Variants in GRAMD1B observed in about 807,000 individuals in gnomAD.
The protein encoded by GRAMD1B is GRAM domain containing 1B.
In GRAMD1B, 37 loss-of-function variants were observed where a neutral mutation model predicts 99.7. The observed-to-expected ratio is 0.37, with a 90% CI of 0.29 to 0.49. GRAMD1B has a LOEUF of 0.49. Among genes scored for constraint, GRAMD1B ranks in the 20% least tolerant of loss-of-function variants. The pLI, the probability that GRAMD1B is intolerant of heterozygous loss-of-function variation, is 0.98. For missense variants in GRAMD1B, 888 were observed against 1,009.2 expected (o/e 0.88, Z 1.63); for synonymous variants, 427 against 387.6 (o/e 1.10, Z -1.19).
intron 2 of GRAMD1B, among the ~76,000 whole-genome samples, chr11:123,567,680 T>C (rs969284479): frequency 5.3e-5 from 8 of 152,146 alleles, no homozygotes; most frequent in African/African-American, 1.7e-4. Context: ...AATTCCAAAC[T>C]CTGGACTGAA....
In GRAMD1B at chr11:123,423,844, C is replaced by T. The variant is rs543165282; in HGVS notation, c.-175-56972C>T. Among the ~76,000 whole-genome samples, 307 of 152,224 alleles carry T rather than the reference C, an allele frequency of 2.0e-3. 1 individual carries two copies. The highest frequency in any genetic ancestry group is 6.5e-3 in the African/African-American group (268 of 41,536). ...AATCTCTCATCATCTTGAAATAGGG[C>T]TTTTGATATTTATTTCTCAGAGTTG... is the stretch of plus-strand genomic sequence containing the variant. On this transcript the variant is annotated intron_variant, in intron 1 of 20. Coordinates refer to the GRAMD1B transcript ENST00000638157.
intron 2 of GRAMD1B, among the ~76,000 whole-genome samples, chr11:123,486,565 AAAAAC>A (rs1937813078): frequency 1.9e-5 from 2 of 105,014 alleles, no homozygotes. Flanking sequence ...AAAAAAAAAA[AAAAAC>A]AAAAAGAAAA....
intron 1 of GRAMD1B, among the ~76,000 whole-genome samples, chr11:123,435,943 T>A (rs1014781441): frequency 7.0e-6 from 1 of 143,678 alleles, no homozygotes; most frequent in Non-Finnish European, 1.5e-5. Context: ...CATACTTTTT[T>A]TTTTTTTTTT....
At chr11:123,595,547 G>A (rs558452925) in intron 6 of GRAMD1B, among the ~76,000 whole-genome samples, 4 of 152,132 alleles carry the variant, frequency 2.6e-5, no homozygotes, top group East Asian at 3.9e-4. Context: ...GCCCGCCTCC[G>A]CCTCCCAAAG....
chr11:123,475,761 G>A (rs1951237154), intron 1 of GRAMD1B, among the ~76,000 whole-genome samples: 1 of 152,180 alleles, frequency 6.6e-6, no homozygotes, highest in Admixed American at 6.5e-5. Context: ...GAATCCCAGA[G>A]TGGACGCAGA....
At position 123,445,818 on chromosome 11, in the gene GRAMD1B, C is replaced by CAAAAAAAA. The variant is rs36123733; in HGVS notation, c.374+14665_374+14672dup. On this transcript the variant is annotated intron_variant, in intron 1 of 19. Transcript: ENST00000635736. ...TGGGGAACAGAGTGACACTTGTCTC[C>CAAAAAAAA]AAAAAAAAAAAAAAAAAAAACAAGA... is the stretch of plus-strand genomic sequence containing the variant. Among the ~76,000 whole-genome samples, 184 of 94,110 alleles carry CAAAAAAAA rather than the reference C, an allele frequency of 2.0e-3. 2 individuals are homozygous for CAAAAAAAA. The highest frequency in any genetic ancestry group is 7.1e-3 in the African/African-American group (175 of 24,672). The allele number at this position is 94,110 out of a possible 152,430, so 61.7% of individuals were successfully genotyped here.
chr11:123,414,476 A>G (rs1258977327), intron 1 of GRAMD1B, among the ~76,000 whole-genome samples: 4 of 152,172 alleles, frequency 2.6e-5, no homozygotes, highest in African/African-American at 9.7e-5. Context: ...CTTCTGTGAT[A>G]GTACCAGTAT....
At chr11:123,472,830 A>G (rs1951082037) in intron 1 of GRAMD1B, among the ~76,000 whole-genome samples, 1 of 152,170 alleles carries the variant, frequency 6.6e-6, no homozygotes, top group South Asian at 2.1e-4. Context: ...TGTGGCTGGC[A>G]AAGAGAAGGG....
At chr11:123,579,115 A>T (rs939185735) in intron 3 of GRAMD1B, among the ~76,000 whole-genome samples, 1 of 152,226 alleles carries the variant, frequency 6.6e-6, no homozygotes, top group Admixed American at 6.5e-5. Context: ...GTTGGCAAAC[A>T]TTGGCAGAAC....
intron 4 of GRAMD1B, among the ~76,000 whole-genome samples, chr11:123,590,217 G>A (rs377551832): frequency 3.3e-5 from 5 of 152,180 alleles, no homozygotes; most frequent in Admixed American, 1.3e-4. Context: ...GACAGATCCC[G>A]AAGCTGTTGA....
intron 2 of GRAMD1B, among the ~76,000 whole-genome samples, chr11:123,516,944 G>A (rs1005849458): frequency 6.6e-6 from 1 of 152,108 alleles, no homozygotes; most frequent in Non-Finnish European, 1.5e-5. Context: ...TTTTGAGACG[G>A]GGTCTTGCTC....
chr11:123,490,670 C>G (rs944046742), intron 2 of GRAMD1B, among the ~76,000 whole-genome samples: 2 of 152,108 alleles, frequency 1.3e-5, no homozygotes, highest in African/African-American at 4.8e-5. Flanking sequence ...GAATTGGGTA[C>G]ATATGGGTGT....
At chr11:123,437,708 C>T (rs1013541388) in intron 1 of GRAMD1B, among the ~76,000 whole-genome samples, 1 of 152,198 alleles carries the variant, frequency 6.6e-6, no homozygotes, top group Non-Finnish European at 1.5e-5. Context: ...GCATGCTAGG[C>T]TAGGTCATCT....
In GRAMD1B at chr11:123,609,648, C is replaced by T. The variant is rs1953260030; in HGVS notation, c.1658-147C>T. 3 of 579,070 alleles carry T rather than the reference C, an allele frequency of 5.2e-6. No individual in the cohort carries two copies. The South Asian group carries it at 6.4e-5, about 12-fold the overall frequency. 35.9% of individuals were successfully genotyped at this position (579,070 alleles called of 1,614,324 possible). A position where few individuals can be genotyped will look rare whatever the true frequency, so the allele number is the denominator to read the frequency against. The stretch of plus-strand genomic sequence containing the variant: ...CGGCTACTCCTCCTCTTCCCACCCT[C>T]CCCCCGGCCCTCGGGCTCCCATTGG... On this transcript the variant is annotated intron_variant, in intron 12 of 19. Transcript: ENST00000635736.
chr11:123,435,194 G>GA, intron 1 of GRAMD1B, among the ~76,000 whole-genome samples: 1 of 152,226 alleles, frequency 6.6e-6, no homozygotes, highest in Non-Finnish European at 1.5e-5. Context: ...CTCTGGCCTG[G>GA]ATTAGGGAGG....
At chr11:123,485,069 G>A (rs370354108) in intron 2 of GRAMD1B, among the ~76,000 whole-genome samples, 4 of 152,128 alleles carry the variant, frequency 2.6e-5, no homozygotes, top group African/African-American at 7.2e-5. Context: ...TTTACTCTTC[G>A]TAATGCCCCT....
At chr11:123,486,293 A>G (rs969248690) in intron 2 of GRAMD1B, among the ~76,000 whole-genome samples, 4 of 152,208 alleles carry the variant, frequency 2.6e-5, no homozygotes, top group Non-Finnish European at 5.9e-5. Context: ...CACCCCTGCA[A>G]TCCCAGCACT....
intron 2 of GRAMD1B, among the ~76,000 whole-genome samples, chr11:123,541,537 GA>G (rs777125301): frequency 0.039 from 5,529 of 141,326 alleles, 298 homozygotes; most frequent in African/African-American, 0.13. Context: ...TCTGTGAATT[GA>G]TTTTTTTTTT....
chr11:123,572,838 TAGGCCCCGATGGCTGGGGCAGGGGCA>T, intron 2 of GRAMD1B, among the ~76,000 whole-genome samples: 1 of 143,392 alleles, frequency 7.0e-6, no homozygotes, highest in South Asian at 2.3e-4. Flanking sequence ...GGGGCGCAGG[TAGGCCCCGATGGCTGGGGCAGGGGCA>T]CAGGTAGGCC....
Sources: allele counts gnomAD v4.1 joint callset (sites outside exome capture counted in the v4.1 genomes callset), GRCh38; gene constraint gnomAD v4.1.1; transcripts MANE v1.5; gene names NCBI Gene and HGNC (gene_info 2026-07-23, HGNC 2026-07-21).